Variants in CRACDL observed in about 807,000 individuals in gnomAD.
CRACDL encodes CRACD-like protein.
CRACDL carries 26 observed loss-of-function variants against 70.6 expected under a neutral mutation model. The observed-to-expected ratio is 0.37, with a 90% CI of 0.27 to 0.51. The LOEUF (loss-of-function observed/expected upper bound fraction) is 0.51. CRACDL is among the 20% of genes least tolerant of loss of function. The pLI, the probability that CRACDL is intolerant of heterozygous loss-of-function variation, is 0.94. For synonymous variants in CRACDL, 618 were observed against 615.2 expected (o/e 1.00, Z -0.07); for missense variants, 1,283 against 1,376.9 (o/e 0.93, Z 1.08).
intron 1 of CRACDL, among the ~76,000 whole-genome samples, chr2:98,896,476 G>T (rs545076411): frequency 1.3e-5 from 2 of 152,262 alleles, no homozygotes; most frequent in South Asian, 4.2e-4. Flanking sequence ...CCAAACCTGT[G>T]CCCTACATTC....
At chr2:98,867,804 G>A (rs1007203416) in intron 1 of CRACDL, among the ~76,000 whole-genome samples, 1 of 152,170 alleles carries the variant, frequency 6.6e-6, no homozygotes, top group Non-Finnish European at 1.5e-5. Context: ...AGTTTTGCAA[G>A]GGCTGGCTTA....
chr2:98,816,200 C>A (rs1704777900), intron 7 of CRACDL, among the ~76,000 whole-genome samples: 1 of 152,200 alleles, frequency 6.6e-6, no homozygotes, highest in African/African-American at 2.4e-5. Context: ...TCTCCTCAGG[C>A]TACCAGCTCC....
chr2:98,928,365 G>GC (rs1259677759), intron 1 of CRACDL, among the ~76,000 whole-genome samples: 1 of 152,072 alleles, frequency 6.6e-6, no homozygotes, highest in Non-Finnish European at 1.5e-5. Context: ...CTCCTGTTCC[G>GC]CCCCCAGGCT....
chr2:98,921,575 C>T (rs1222204240), intron 1 of CRACDL, among the ~76,000 whole-genome samples: 5 of 152,316 alleles, frequency 3.3e-5, no homozygotes, highest in African/African-American at 9.6e-5. Flanking sequence ...TAGGACCAAC[C>T]CCACTCCCCT....
intron 9 of CRACDL, among the ~76,000 whole-genome samples, chr2:98,795,056 T>A (rs1248697385): frequency 0.055 from 2,246 of 41,022 alleles, 407 homozygotes; most frequent in South Asian, 0.22. Flanking sequence ...TATATATATA[T>A]ATATATATAT....
At chr2:98,880,385 A>G (rs1707611868) in intron 1 of CRACDL, among the ~76,000 whole-genome samples, 1 of 152,206 alleles carries the variant, frequency 6.6e-6, no homozygotes, top group South Asian at 2.1e-4. Flanking sequence ...TAAGTAGCTG[A>G]TATATGCTTA....
intron 7 of CRACDL, among the ~76,000 whole-genome samples, chr2:98,816,047 T>G (rs890952307): frequency 2.0e-5 from 3 of 151,888 alleles, no homozygotes; most frequent in African/African-American, 2.4e-5. Context: ...GGGCTGGTGG[T>G]GGGGGGGTGC....
intron 1 of CRACDL, among the ~76,000 whole-genome samples, chr2:98,859,650 A>T (rs982970948): frequency 6.6e-6 from 1 of 152,212 alleles, no homozygotes; most frequent in South Asian, 2.1e-4. Flanking sequence ...GAATTGACAA[A>T]CGCTTCCTCA....
At chr2:98,798,401 G>GCCA (rs1703926555) in intron 7 of CRACDL, among the ~76,000 whole-genome samples, 2 of 125,060 alleles carry the variant, frequency 1.6e-5, no homozygotes. Flanking sequence ...CCGAGATCGC[G>GCCA]CCACTGCACT....
At chr2:98,831,426 G>A (rs1467495109) in intron 5 of CRACDL, among the ~76,000 whole-genome samples, 2 of 152,184 alleles carry the variant, frequency 1.3e-5, no homozygotes, top group Non-Finnish European at 2.9e-5. Flanking sequence ...GCAGTGAGTC[G>A]CAACGAAGCT....
In CRACDL at chr2:98,873,453, C is replaced by G. The variant is rs560470717; in HGVS notation, c.-10-26643G>C. On this transcript the variant is annotated intron_variant, in intron 1 of 9. Coordinates refer to ENST00000397899, the MANE Select transcript of CRACDL (RefSeq NM_207362.3). ...CCACTACCTCTAATGTAGCAATGCA[C>G]AACCCACACACAGGGACCACAGTGG... Among the ~76,000 whole-genome samples, 5 of 152,322 alleles carry G rather than the reference C, an allele frequency of 3.3e-5. No homozygotes were observed. In the South Asian group the frequency reaches 1.0e-3, roughly 32 times the overall value.
chr2:98,823,102 C>A lies in CRACDL; in HGVS notation c.1171G>T (p.Val391Leu). 6.3e-7 allele frequency: 1 copy of A among 1,578,070 alleles called. No homozygotes were observed. The change falls in exon 7 of 10, where the codon GTG becomes TTG. Residue 391 changes from valine (V) to leucine (L), a missense_variant. Physicochemically the swap from Val to Leu is conservative, Grantham distance 32 (BLOSUM62 1). Transcript: ENST00000397899. The surrounding 1 kb of genome is among the most constrained non-coding windows in gnomAD (Gnocchi z 4.0). ...CAPATDKAEE[V>L]VCAPEDVASP... ...GCGACGTCTTCGGGAGCACAGACCA[C>A]CTCCTCCGCCTTGTCCGTGGCCGGG... is the stretch of plus-strand genomic sequence containing the variant.
At chr2:98,799,792 G>A (rs952566618) in intron 7 of CRACDL, among the ~76,000 whole-genome samples, 4 of 152,054 alleles carry the variant, frequency 2.6e-5, no homozygotes, top group Admixed American at 2.6e-4. Context: ...GGTCAAGCCT[G>A]GTCCTCAACC....
intron 5 of CRACDL, among the ~76,000 whole-genome samples, chr2:98,831,303 G>T (rs1433407452): frequency 1.3e-5 from 2 of 152,188 alleles, no homozygotes; most frequent in East Asian, 3.9e-4. Context: ...TTTTTCATCA[G>T]TGACGTTCGG....
chr2:98,820,594 T>C (rs1704987407), intron 7 of CRACDL, among the ~76,000 whole-genome samples: 1 of 152,220 alleles, frequency 6.6e-6, no homozygotes, highest in East Asian at 1.9e-4. Context: ...TTAGCTCTGC[T>C]GCAAATACAC....
At chr2:98,837,988 C>A in intron 3 of CRACDL, 131 bp downstream of exon 3, 1 of 722,396 alleles carries the variant, frequency 1.4e-6, no homozygotes, top group Non-Finnish European at 2.1e-6. Context: ...ACAGAAAACA[C>A]AACTTCTATG....
In CRACDL at chr2:98,892,604, C is replaced by A. The variant is rs532696087; in HGVS notation, c.-11+43334G>T. Among the ~76,000 whole-genome samples the A allele has an allele frequency of 1.5e-3, 223 of 151,896 alleles. 1 individual carries two copies. The highest frequency in any genetic ancestry group is 6.8e-3 in the Middle Eastern group (2 of 294). On this transcript the variant is annotated intron_variant, in intron 1 of 9. Coordinates refer to ENST00000397899, the MANE Select transcript of CRACDL (RefSeq NM_207362.3). ...ACTCCGGAGGCTGAGGCAGGAGAAT[C>A]GCTTTAACCCAGAAGGCAGAGGTTG...
intron 1 of CRACDL, chr2:98,869,057 C>T: frequency 1.5e-6 from 2 of 1,298,612 alleles, no homozygotes; most frequent in Non-Finnish European, 2.0e-6. Flanking sequence ...CCCACCACCT[C>T]TTTGCTCTCA....
At chr2:98,813,075 A>T (rs1002078956) in intron 7 of CRACDL, among the ~76,000 whole-genome samples, 2 of 152,144 alleles carry the variant, frequency 1.3e-5, no homozygotes, top group African/African-American at 4.8e-5. Context: ...TTTGCCTATG[A>T]ATATTCCTAT....
Sources: allele counts gnomAD v4.1 joint callset (sites outside exome capture counted in the v4.1 genomes callset), GRCh38; gene constraint gnomAD v4.1.1; non-coding constraint Gnocchi (gnomAD v3.1); transcripts MANE v1.5; gene names NCBI Gene and HGNC (gene_info 2026-07-23, HGNC 2026-07-21).